The following NPHP1 variants were observed in gnomAD, a reference collection of about 807,000 sequenced individuals.
The protein encoded by NPHP1 is nephrocystin-1.
A neutral mutation model predicts 90.4 loss-of-function variants in NPHP1; 70 were observed. The ratio of observed to expected loss-of-function variants is 0.77; its 90% CI spans 0.64 to 0.95. NPHP1 has a LOEUF of 0.95. NPHP1 is among the 40% of genes least tolerant of loss of function. The pLI is 0.00. For synonymous variants in NPHP1, 256 were observed against 271.7 expected (o/e 0.94, Z 0.57); for missense variants, 764 against 795.9 (o/e 0.96, Z 0.48).
At position 110,156,182 on chromosome 2, in the gene NPHP1, A is replaced by G. The variant is rs541735367; in HGVS notation, c.1083+3945T>C. 2.5e-4 allele frequency among the ~76,000 whole-genome samples: 38 copies of G among 151,736 alleles called. No individual in the cohort carries two copies. The East Asian group carries it at 7.4e-3, about 30-fold the overall frequency. ...CACCTCCCAGGTCCCGGTTCAAGCA[A>G]TTCTCCTGCCTCAGCCTCCTGAGTA... On this transcript the variant is annotated intron_variant, in intron 11 of 19. Coordinates refer to ENST00000445609, the MANE Select transcript of NPHP1 (RefSeq NM_001128178.3).
chr2:110,159,492 T>C (rs984221768), intron 11 of NPHP1, among the ~76,000 whole-genome samples: 7 of 152,028 alleles, frequency 4.6e-5, no homozygotes, highest in Non-Finnish European at 1.0e-4. Context: ...TATTTCTTCT[T>C]ATGCCAGTTT....
At chr2:110,192,495 T>C (rs1020238079) in intron 2 of NPHP1, among the ~76,000 whole-genome samples, 8 of 151,960 alleles carry the variant, frequency 5.3e-5, no homozygotes, top group Admixed American at 5.2e-4. Flanking sequence ...CTCCAAGAAA[T>C]ATGGGACTAT....
intron 1 of NPHP1, 38 bp from the exon 2 acceptor site, chr2:110,201,532 C>A: frequency 7.2e-7 from 1 of 1,394,332 alleles, no homozygotes; most frequent in Non-Finnish European, 1.0e-6. Flanking sequence ...TATTAAATAC[C>A]ATATCGCCTT....
At chr2:110,143,489 T>C in intron 16 of NPHP1, 53 bp downstream of exon 16, 1 of 1,208,088 alleles carries the variant, frequency 8.3e-7, no homozygotes, top group Non-Finnish European at 1.2e-6. Flanking sequence ...AGAGATGGTC[T>C]CCAAGTGCTG....
At chr2:110,129,051 T>A (rs892062061) in intron 18 of NPHP1, 135 bp downstream of exon 18, 1 of 702,982 alleles carries the variant, frequency 1.4e-6, no homozygotes, top group Non-Finnish European at 2.6e-6. Context: ...AGGACTGAGT[T>A]ACCTAGACAA....
At position 110,148,009 on chromosome 2, in the gene NPHP1, T is replaced by C. The variant is rs2104497160; in HGVS notation, c.1176A>G (p.Pro392=). 2 of 1,603,692 alleles carry C rather than the reference T, an allele frequency of 1.2e-6. No homozygotes were observed. The highest frequency in any genetic ancestry group is 1.3e-5 in the African/African-American group (1 of 74,826). Residue 392 remains proline, a synonymous_variant, in exon 13 of 20, where the codon CCA becomes CCG. Coordinates refer to ENST00000445609, the MANE Select transcript of NPHP1 (RefSeq NM_001128178.3). ...TFSPQVTRIL[P]CLLDGDCFIR... ...TAAAGCAATCACCATCAAGCAAACA[T>C]GGTAAGATGCGAGTAACCTGAAATG...
At chr2:110,126,059 T>C (rs1559041087) in intron 18 of NPHP1, 1 of 285,890 alleles carries the variant, frequency 3.5e-6, no homozygotes, top group Admixed American at 4.9e-5. Flanking sequence ...TACCAAACTT[T>C]TCTACAATTC....
At chr2:110,128,813 C>A in intron 18 of NPHP1, 2 of 270,494 alleles carry the variant, frequency 7.4e-6, no homozygotes, top group South Asian at 5.5e-5. Context: ...CAGCAAACAG[C>A]ACACATGGAA....
In NPHP1 at chr2:110,123,742, G is replaced by A. The variant is rs749436123; in HGVS notation, c.*49C>T. The stretch of plus-strand genomic sequence containing the variant: ...CCATCATTTTATTCACGTAATCGTG[G>A]AGGATCCATCTGATTCCGTGGGAAG... On this transcript the variant is annotated 3_prime_UTR_variant, in exon 20 of 20. Coordinates refer to ENST00000445609, the MANE Select transcript of NPHP1 (RefSeq NM_001128178.3). The A allele has an allele frequency of 6.3e-7, 1 of 1,589,654 alleles. No individual in the cohort carries two copies. The highest frequency in any genetic ancestry group is 1.1e-5 in the South Asian group (1 of 90,492).
At position 110,161,172 on chromosome 2, in the gene NPHP1, ACTACTACTACTG is replaced by A. The variant is rs546706026; in HGVS notation, c.954+419_954+430del. 6.3e-3 allele frequency among the ~76,000 whole-genome samples: 961 copies of A among 152,246 alleles called. 12 individuals carry two copies. Among genetic ancestry groups the A allele is most frequent in the Middle Eastern group, 0.02 (6 of 294 alleles). ...CAGAGGGAGACCCTGTCTCAAAAAT[ACTACTACTACTG>A]CTACTACTACTATAAATGATAATAA... On this transcript the variant is annotated intron_variant, in intron 10 of 19. Transcript: ENST00000445609.
At chr2:110,145,855 C>A (rs1472234444) in intron 14 of NPHP1, among the ~76,000 whole-genome samples, 1 of 152,156 alleles carries the variant, frequency 6.6e-6, no homozygotes, top group African/African-American at 2.4e-5. Flanking sequence ...AAACCTGGCA[C>A]CCCAGGTAAT....
At chr2:110,193,877 G>T (rs1277867438) in intron 2 of NPHP1, among the ~76,000 whole-genome samples, 6 of 152,052 alleles carry the variant, frequency 3.9e-5, no homozygotes, top group Admixed American at 3.9e-4. Context: ...TAAACCACAT[G>T]GAAACTGAAC....
At chr2:110,204,407 T>C (rs1685784053) in intron 1 of NPHP1, among the ~76,000 whole-genome samples, 1 of 152,214 alleles carries the variant, frequency 6.6e-6, no homozygotes, top group Non-Finnish European at 1.5e-5. Context: ...CAGATCTTAA[T>C]GTTCTTGCAT....
Position 110,123,692 on chromosome 2 carries a change from TG to T in NPHP1, c.*98del. 3 of 1,211,674 alleles carry T rather than the reference TG, an allele frequency of 2.5e-6. No individual in the cohort carries two copies. The highest frequency in any genetic ancestry group is 3.6e-6 in the Non-Finnish European group (3 of 823,986). The allele number at this position is 1,211,674 out of a possible 1,614,324, so 75.1% of individuals were successfully genotyped here. A position where few individuals can be genotyped will look rare whatever the true frequency, so the allele number is the denominator to read the frequency against. ...AGAAAGAAAAGAGTAAAACCTAAGT[TG>T]TAAAGTGACAGTGATTTTTGGTTCC... On this transcript the variant is annotated 3_prime_UTR_variant, in exon 20 of 20. Transcript: ENST00000445609.
At chr2:110,136,463 A>G (rs1251713397) in intron 16 of NPHP1, among the ~76,000 whole-genome samples, 3 of 152,206 alleles carry the variant, frequency 2.0e-5, no homozygotes, top group Non-Finnish European at 4.4e-5. Context: ...CTGATAGGCA[A>G]CTTCAGCAAA....
rs920798784 is a variant in NPHP1 at position 110,181,552 on chromosome 2, G to A, written c.144-1868C>T. Among the ~76,000 whole-genome samples, 3 of 152,090 alleles carry A rather than the reference G, an allele frequency of 2.0e-5. No homozygotes were observed. In the South Asian group the frequency reaches 6.2e-4, roughly 32 times the overall value. ...AACCACAGCAACACTACAGTAGAGT[G>A]TCCTGACTGTTAAAAGAAAAACAAA... On this transcript the variant is annotated intron_variant, in intron 2 of 19. Transcript: ENST00000445609.
chr2:110,132,042 C>T (rs767052460), intron 16 of NPHP1, among the ~76,000 whole-genome samples: 8 of 152,130 alleles, frequency 5.3e-5, no homozygotes, highest in Non-Finnish European at 7.4e-5. Context: ...AGCATATATA[C>T]CTATGTTAAA....
intron 18 of NPHP1, chr2:110,126,894 G>A (rs1194053316): frequency 6.6e-6 from 1 of 152,586 alleles, no homozygotes; most frequent in African/African-American, 2.4e-5. Context: ...TTAGTTACAT[G>A]TCAATGTCCC....
intron 2 of NPHP1, among the ~76,000 whole-genome samples, 154 bp downstream of exon 2, chr2:110,201,267 C>T (rs1685559758): frequency 6.6e-6 from 1 of 152,132 alleles, no homozygotes; most frequent in South Asian, 2.1e-4. Context: ...AAGTCCGCAA[C>T]CATCAGGTTT....
Sources: gnomAD v4.1 joint callset for allele counts (sites outside exome capture counted in the v4.1 genomes callset) on GRCh38, gnomAD v4.1.1 for gene constraint, MANE v1.5 for transcripts, NCBI Gene and HGNC (gene_info 2026-07-23, HGNC 2026-07-21) for gene names.